Variants in GRIA4 observed in about 807,000 individuals in gnomAD.
GRIA4 encodes glutamate receptor 4.
Under a neutral mutation model 104.0 loss-of-function variants are expected in GRIA4, and 34 were observed. The observed-to-expected ratio is 0.33, with a 90% CI of 0.25 to 0.44. The LOEUF (loss-of-function observed/expected upper bound fraction) is 0.44. Among genes scored for constraint, GRIA4 ranks in the 20% least tolerant of loss-of-function variants. The pLI, the probability that GRIA4 is intolerant of heterozygous loss-of-function variation, is 1.00. For missense variants in GRIA4, 750 were observed against 1,096.5 expected (o/e 0.68, Z 4.46); for synonymous variants, 386 against 381.9 (o/e 1.01, Z -0.13).
intron 3 of GRIA4, among the ~76,000 whole-genome samples, chr11:105,696,015 G>A (rs1186034210): frequency 6.6e-6 from 1 of 152,124 alleles, no homozygotes; most frequent in African/African-American, 2.4e-5. Flanking sequence ...TCAATTCTTT[G>A]GCATTTCAGT....
chr11:105,885,567 T>C (rs1946225912), intron 5 of GRIA4, among the ~76,000 whole-genome samples: 1 of 152,244 alleles, frequency 6.6e-6, no homozygotes, highest in African/African-American at 2.4e-5. Context: ...CATTTAATGC[T>C]TTCCCAAGAA....
intron 3 of GRIA4, among the ~76,000 whole-genome samples, chr11:105,748,953 T>C (rs1939835497): frequency 6.6e-6 from 1 of 152,100 alleles, no homozygotes. Context: ...ACATAGATGG[T>C]AATTAAAGCC....
At chr11:105,735,160 T>G (rs1938854283) in intron 3 of GRIA4, among the ~76,000 whole-genome samples, 1 of 151,938 alleles carries the variant, frequency 6.6e-6, no homozygotes, top group East Asian at 1.9e-4. Context: ...ATTCAAAAAA[T>G]TAGCTTTCAG....
chr11:105,679,972 C>T (rs1952658356), intron 3 of GRIA4, among the ~76,000 whole-genome samples: 1 of 152,046 alleles, frequency 6.6e-6, no homozygotes, highest in South Asian at 2.1e-4. Flanking sequence ...AAGAGATGCC[C>T]TAAGGGAGCA....
At chr11:105,836,501 C>A (rs1944192996) in intron 4 of GRIA4, among the ~76,000 whole-genome samples, 1 of 152,124 alleles carries the variant, frequency 6.6e-6, no homozygotes, top group Non-Finnish European at 1.5e-5. Flanking sequence ...TCTGTATATT[C>A]TTTTTGTCCC....
At chr11:105,829,622 T>C (rs573411561) in intron 4 of GRIA4, among the ~76,000 whole-genome samples, 5 of 151,998 alleles carry the variant, frequency 3.3e-5, no homozygotes, top group Admixed American at 3.3e-4. Flanking sequence ...TAAAGTGGCC[T>C]AGCTATAAGA....
At chr11:105,784,235 A>C (rs1270363433) in intron 4 of GRIA4, among the ~76,000 whole-genome samples, 1 of 152,176 alleles carries the variant, frequency 6.6e-6, no homozygotes, top group African/African-American at 2.4e-5. Flanking sequence ...TATCCTAGAA[A>C]TGTGCAGAAA....
intron 3 of GRIA4, among the ~76,000 whole-genome samples, chr11:105,667,965 C>T (rs1018879606): frequency 2.6e-5 from 4 of 151,518 alleles, no homozygotes; most frequent in African/African-American, 9.7e-5. Flanking sequence ...TCATGTATAA[C>T]AAGAATCTTG....
intron 4 of GRIA4, among the ~76,000 whole-genome samples, chr11:105,809,274 T>C (rs1655551233): frequency 1.3e-5 from 2 of 152,186 alleles, no homozygotes; most frequent in Non-Finnish European, 2.9e-5. Context: ...ATGTGATACT[T>C]TGATACAAGC....
Position 105,870,547 on chromosome 11 carries a change from C to CA in GRIA4, c.672+8351dup, listed in dbSNP as rs10706239. Reference sequence around the variant, plus strand: ...TAACGCAGCACAATGTGGAAAGGTACAAAAAAAAAAAAGACAGAAGCAAAT... The same window carrying CA: ...TAACGCAGCACAATGTGGAAAGGTACAAAAAAAAAAAAAGACAGAAGCAAAT... On this transcript the variant is annotated intron_variant, in intron 5 of 16. Coordinates refer to ENST00000282499, the MANE Select transcript of GRIA4 (RefSeq NM_000829.4). 7.4e-4 allele frequency among the ~76,000 whole-genome samples: 104 copies of CA among 140,244 alleles called. No individual in the cohort carries two copies. The East Asian group carries it at 0.012, about 16-fold the overall frequency. 92.0% of individuals were successfully genotyped at this position (140,244 alleles called of 152,430 possible).
intron 3 of GRIA4, among the ~76,000 whole-genome samples, chr11:105,665,322 T>G (rs559159914): frequency 6.6e-6 from 1 of 152,054 alleles, no homozygotes; most frequent in Admixed American, 6.6e-5. Context: ...ATGAGAAATA[T>G]ACTTTTATTC....
At chr11:105,934,830 T>G (rs1392447771) in intron 14 of GRIA4, among the ~76,000 whole-genome samples, 6 of 152,162 alleles carry the variant, frequency 3.9e-5, no homozygotes, top group Admixed American at 3.9e-4. Context: ...GTTGAATTGA[T>G]GGGGCTGGAT....
intron 3 of GRIA4, among the ~76,000 whole-genome samples, chr11:105,716,123 C>T (rs1170591851): frequency 2.6e-5 from 4 of 151,996 alleles, no homozygotes. Context: ...TTAAAAGTTT[C>T]TTATCCACTG....
intron 3 of GRIA4, among the ~76,000 whole-genome samples, chr11:105,694,141 A>G (rs1044381872): frequency 7.6e-5 from 11 of 144,572 alleles, no homozygotes; most frequent in African/African-American, 2.6e-4. Flanking sequence ...ATTTTTAAGA[A>G]GAAACAAGCT....
intron 3 of GRIA4, among the ~76,000 whole-genome samples, chr11:105,658,156 G>A (rs1341684517): frequency 1.3e-5 from 2 of 151,562 alleles, no homozygotes; most frequent in Non-Finnish European, 2.9e-5. Context: ...TCAGTGTCTG[G>A]TCTTTCCTCA....
At chr11:105,732,441 T>C (rs1938658156) in intron 3 of GRIA4, among the ~76,000 whole-genome samples, 1 of 152,128 alleles carries the variant, frequency 6.6e-6, no homozygotes, top group Non-Finnish European at 1.5e-5. Context: ...ATAGTTCTCA[T>C]GGGATGAAGA....
At chr11:105,690,278 T>C (rs562703791) in intron 3 of GRIA4, among the ~76,000 whole-genome samples, 1 of 152,344 alleles carries the variant, frequency 6.6e-6, no homozygotes, top group African/African-American at 2.4e-5. Context: ...ACCTTTCCCT[T>C]ATGTTTAATA....
At chr11:105,870,814 G>A (rs1015199963) in intron 5 of GRIA4, among the ~76,000 whole-genome samples, 86 of 152,128 alleles carry the variant, frequency 5.7e-4, no homozygotes, top group African/African-American at 1.9e-3. Flanking sequence ...AGATGTCATC[G>A]GATGTTTTTA....
chr11:105,683,197 T>C (rs1952765709), intron 3 of GRIA4, among the ~76,000 whole-genome samples: 1 of 152,088 alleles, frequency 6.6e-6, no homozygotes, highest in African/African-American at 2.4e-5. Flanking sequence ...TTTAATGCGA[T>C]TATGTTTAAT....
Sources: gnomAD v4.1 joint callset for allele counts (sites outside exome capture counted in the v4.1 genomes callset) on GRCh38, gnomAD v4.1.1 for gene constraint, MANE v1.5 for transcripts, NCBI Gene and HGNC (gene_info 2026-07-23, HGNC 2026-07-21) for gene names.